GNAQ: variants seen among roughly 807,000 people sequenced by gnomAD.
The protein encoded by GNAQ is G protein subunit alpha q.
A neutral mutation model predicts 43.9 loss-of-function variants in GNAQ; 8 were observed. The ratio of observed to expected loss-of-function variants is 0.18; its 90% CI spans 0.11 to 0.33. The LOEUF is 0.33. GNAQ is among the 10% of genes least tolerant of loss of function. The pLI is 1.00. For synonymous variants in GNAQ, 155 were observed against 170.7 expected (o/e 0.91, Z 0.71); for missense variants, 158 against 450.8 (o/e 0.35, Z 5.88).
chr9:77,988,017 G>A (rs1441599498), intron 1 of GNAQ, among the ~76,000 whole-genome samples: 1 of 152,236 alleles, frequency 6.6e-6, no homozygotes, highest in Non-Finnish European at 1.5e-5. Flanking sequence ...GAGCTATGCT[G>A]ATTCCTGGTG....
intron 1 of GNAQ, among the ~76,000 whole-genome samples, chr9:77,939,728 C>T (rs1268316347): frequency 3.9e-5 from 6 of 152,010 alleles, no homozygotes; most frequent in African/African-American, 1.4e-4. Flanking sequence ...TTATTCTGTC[C>T]AACAAGAATT....
intron 5 of GNAQ, among the ~76,000 whole-genome samples, chr9:77,751,767 G>T (rs1564099520): frequency 1.3e-5 from 2 of 151,842 alleles, no homozygotes; most frequent in Non-Finnish European, 2.9e-5. Context: ...TAGGAAACGA[G>T]GCAAGGAACA....
At chr9:77,883,431 T>C (rs1828247641) in intron 2 of GNAQ, among the ~76,000 whole-genome samples, 1 of 151,954 alleles carries the variant, frequency 6.6e-6, no homozygotes, top group African/African-American at 2.4e-5. Context: ...GAACAGTGGT[T>C]ACTTCTGACA....
intron 5 of GNAQ, among the ~76,000 whole-genome samples, chr9:77,748,298 A>G (rs1434280576): frequency 2.6e-5 from 4 of 152,164 alleles, no homozygotes; most frequent in Non-Finnish European, 4.4e-5. Context: ...AGTACTGAAA[A>G]CCTAAAATCT....
rs7855170 is a variant in GNAQ at position 77,776,609 on chromosome 9, T to C, written c.735+17854A>G. Reference sequence around the variant, plus strand: ...CACATGAAGCAAAAATTGACAAAACTGAAAGAAGAAACAGACAATTCAACA... The same window carrying C: ...CACATGAAGCAAAAATTGACAAAACCGAAAGAAGAAACAGACAATTCAACA... On this transcript the variant is annotated intron_variant, in intron 5 of 6. Coordinates refer to ENST00000286548, the MANE Select transcript of GNAQ (RefSeq NM_002072.5). Among the ~76,000 whole-genome samples, 299 of 152,228 alleles carry C rather than the reference T, an allele frequency of 2.0e-3. 1 individual carries two copies. The highest frequency in any genetic ancestry group is 6.7e-3 in the African/African-American group (279 of 41,564).
intron 2 of GNAQ, among the ~76,000 whole-genome samples, chr9:77,843,352 G>A (rs571382746): frequency 6.6e-6 from 1 of 152,170 alleles, no homozygotes; most frequent in Non-Finnish European, 1.5e-5. Flanking sequence ...CAGAGGAAGC[G>A]AGCAGAAGAG....
intron 2 of GNAQ, among the ~76,000 whole-genome samples, chr9:77,866,943 A>C (rs751946316): frequency 6.6e-6 from 1 of 152,242 alleles, no homozygotes; most frequent in Non-Finnish European, 1.5e-5. Flanking sequence ...ACTGAGAATT[A>C]AAAAGATGTT....
chr9:77,859,788 A>G (rs1827814037), intron 2 of GNAQ, among the ~76,000 whole-genome samples: 1 of 152,246 alleles, frequency 6.6e-6, no homozygotes, highest in Non-Finnish European at 1.5e-5. Context: ...TACAGAATGC[A>G]GTAAAATATG....
chr9:77,900,890 G>C lies in GNAQ; in HGVS notation c.321+21271C>G, dbSNP rs568454410. Among the ~76,000 whole-genome samples the C allele has an allele frequency of 2.0e-5, 3 of 152,258 alleles. No individual in the cohort carries two copies. In the South Asian group the frequency reaches 6.2e-4, roughly 32 times the overall value. ...GCTCCCAACAGTTTCAAAGCAATGA[G>C]TGTCCTGCTTCTCCATTTCTTTGTA... On this transcript the variant is annotated intron_variant, in intron 2 of 6. Coordinates refer to ENST00000286548, the MANE Select transcript of GNAQ (RefSeq NM_002072.5).
At chr9:77,907,630 C>T (rs925964531) in intron 2 of GNAQ, among the ~76,000 whole-genome samples, 1 of 152,032 alleles carries the variant, frequency 6.6e-6, no homozygotes, top group African/African-American at 2.4e-5. Context: ...ACATAAAGAA[C>T]AAGTAAAAGG....
chr9:77,768,684 C>T (rs1034826275), intron 5 of GNAQ, among the ~76,000 whole-genome samples: 1 of 152,150 alleles, frequency 6.6e-6, no homozygotes, highest in Non-Finnish European at 1.5e-5. Context: ...TGTTTAAGAA[C>T]TAGTTCTTCT....
intron 5 of GNAQ, among the ~76,000 whole-genome samples, chr9:77,740,448 G>GCTC: frequency 6.6e-6 from 1 of 152,260 alleles, no homozygotes; most frequent in East Asian, 1.9e-4. Flanking sequence ...AATAACATAG[G>GCTC]CAATCAGAGT....
At chr9:77,909,078 T>C (rs552837223) in intron 2 of GNAQ, among the ~76,000 whole-genome samples, 21 of 152,132 alleles carry the variant, frequency 1.4e-4, no homozygotes, top group Non-Finnish European at 2.6e-4. Context: ...AAGAGAGTGC[T>C]GTAGAGAGAA....
intron 2 of GNAQ, among the ~76,000 whole-genome samples, chr9:77,899,382 C>G (rs976155267): frequency 6.6e-6 from 1 of 152,008 alleles, no homozygotes; most frequent in Non-Finnish European, 1.5e-5. Context: ...CAGGCATGAG[C>G]TACTGTGTCC....
At chr9:78,009,979 T>G (rs1035364842) in intron 1 of GNAQ, among the ~76,000 whole-genome samples, 22 of 152,218 alleles carry the variant, frequency 1.4e-4, no homozygotes, top group Non-Finnish European at 4.4e-5. Flanking sequence ...AGAAAGTTAT[T>G]GAGTGCCCTT....
chr9:77,913,116 T>C (rs1222831143), intron 2 of GNAQ, among the ~76,000 whole-genome samples: 1 of 152,150 alleles, frequency 6.6e-6, no homozygotes, highest in Non-Finnish European at 1.5e-5. Flanking sequence ...GAAAACTCAT[T>C]GGCAGTATCT....
At chr9:77,996,421 TG>T (rs1466715048) in intron 1 of GNAQ, among the ~76,000 whole-genome samples, 1 of 152,130 alleles carries the variant, frequency 6.6e-6, no homozygotes, top group Non-Finnish European at 1.5e-5. Flanking sequence ...GGCTCACGCC[TG>T]TAATCCCAGC....
intron 1 of GNAQ, among the ~76,000 whole-genome samples, chr9:77,952,112 T>A (rs777741324): frequency 6.6e-6 from 1 of 152,216 alleles, no homozygotes. Flanking sequence ...AGCCTGAAAT[T>A]GAGGTTTGGG....
intron 5 of GNAQ, among the ~76,000 whole-genome samples, chr9:77,789,757 T>C (rs1826537914): frequency 6.6e-6 from 1 of 152,192 alleles, no homozygotes; most frequent in Non-Finnish European, 1.5e-5. Flanking sequence ...TTATACTGTA[T>C]AAATTCAATG....
Sources: gnomAD v4.1 joint callset for allele counts (sites outside exome capture counted in the v4.1 genomes callset) on GRCh38, gnomAD v4.1.1 for gene constraint, MANE v1.5 for transcripts, NCBI Gene and HGNC (gene_info 2026-07-23, HGNC 2026-07-21) for gene names.